KRT222: variants seen among roughly 807,000 people sequenced by gnomAD.
KRT222 encodes keratin-like protein KRT222.
KRT222 carries 23 observed loss-of-function variants against 35.0 expected under a neutral mutation model. The observed-to-expected ratio is 0.66, with a 90% CI of 0.47 to 0.93. KRT222 has a LOEUF of 0.93. KRT222 is among the 40% of genes least tolerant of loss of function. The pLI is 0.00. For synonymous variants in KRT222, 108 were observed against 118.8 expected (o/e 0.91, Z 0.59); for missense variants, 339 against 346.3 (o/e 0.98, Z 0.17).
intron 4 of KRT222, 58 bp downstream of exon 4, chr17:40,657,616 T>C: frequency 6.6e-7 from 1 of 1,513,630 alleles, no homozygotes. Flanking sequence ...CCTTATAAAG[T>C]AATCCCTGTA....
intron 1 of KRT222, among the ~76,000 whole-genome samples, chr17:40,662,989 A>C (rs184177242): frequency 4.9e-4 from 74 of 152,344 alleles, no homozygotes; most frequent in African/African-American, 1.7e-3. Context: ...AAGTTTATGA[A>C]TAAAGTTTAG....
intron 3 of KRT222, among the ~76,000 whole-genome samples, chr17:40,659,194 C>T (rs1333534482): frequency 2.7e-5 from 4 of 148,752 alleles, no homozygotes; most frequent in Admixed American, 2.0e-4. Context: ...CTCACTCTGT[C>T]GCCTGGGCTG....
Position 40,665,148 on chromosome 17 carries a change from A to AGTC in KRT222, c.-52_-50dup. ...CTAACTGAACCTTATCGATAGGATGAGTCGCTGCGGCAGTCTGCTCGGTCT... is the reference window on the plus strand; with the variant it reads ...CTAACTGAACCTTATCGATAGGATGAGTCGTCGCTGCGGCAGTCTGCTCGGTCT... On this transcript the variant is annotated 5_prime_UTR_variant, in exon 1 of 6. Coordinates refer to ENST00000394052, the MANE Select transcript of KRT222 (RefSeq NM_152349.3). 6.4e-7 allele frequency: 1 copy of AGTC among 1,564,328 alleles called. No homozygotes were observed. The highest frequency in any genetic ancestry group is 8.8e-7 in the Non-Finnish European group (1 of 1,137,098).
At chr17:40,660,879 G>C in intron 2 of KRT222, among the ~76,000 whole-genome samples, 1 of 151,704 alleles carries the variant, frequency 6.6e-6, no homozygotes, top group East Asian at 1.9e-4. Context: ...AGAAAATATA[G>C]TACATTGAGT....
intron 5 of KRT222, 133 bp from the exon 6 acceptor site, chr17:40,656,763 T>C: frequency 1.8e-6 from 1 of 547,236 alleles, no homozygotes; most frequent in Middle Eastern, 4.8e-4. Context: ...ATAATGTACA[T>C]ACTTTAAAAA....
intron 3 of KRT222, among the ~76,000 whole-genome samples, chr17:40,659,237 C>A (rs1354680176): frequency 6.6e-6 from 1 of 151,268 alleles, no homozygotes; most frequent in Non-Finnish European, 1.5e-5. Flanking sequence ...CTCACTGCAA[C>A]CTGCCTCTCC....
intron 1 of KRT222, among the ~76,000 whole-genome samples, chr17:40,662,579 A>C (rs903301028): frequency 1.3e-5 from 2 of 152,206 alleles, no homozygotes; most frequent in African/African-American, 4.8e-5. Flanking sequence ...TAAGGCTCAC[A>C]AATAGACTTC....
In KRT222 at chr17:40,656,354, C is replaced by T. The variant is rs1430156352; in HGVS notation, c.*48G>A. 2.1e-6 allele frequency: 3 copies of T among 1,414,714 alleles called. No individual in the cohort carries two copies. Among genetic ancestry groups the T allele is most frequent in the Admixed American group, 1.7e-5 (1 of 59,522 alleles). 87.6% of individuals were successfully genotyped at this position (1,414,714 alleles called of 1,614,324 possible). A position where few individuals can be genotyped will look rare whatever the true frequency, so the allele number is the denominator to read the frequency against. ...GACAGAGGGAGTTGGTATGGCCCACCTTGGTCCATCCTAACATTTTCCAAT... is the reference window on the plus strand; with the variant it reads ...GACAGAGGGAGTTGGTATGGCCCACTTTGGTCCATCCTAACATTTTCCAAT... On this transcript the variant is annotated 3_prime_UTR_variant, in exon 6 of 6. Coordinates refer to ENST00000394052, the MANE Select transcript of KRT222 (RefSeq NM_152349.3).
chr17:40,660,980 T>C (rs946221311), intron 2 of KRT222, among the ~76,000 whole-genome samples: 2 of 152,266 alleles, frequency 1.3e-5, no homozygotes, highest in African/African-American at 4.8e-5. Flanking sequence ...AGTCTCGCTC[T>C]GTCGCTCATG....
At chr17:40,662,118 C>G in intron 1 of KRT222, 74 bp from the exon 2 acceptor site, 1 of 1,557,988 alleles carries the variant, frequency 6.4e-7, no homozygotes. Context: ...TGTGTAAAAG[C>G]AATTATAGAA....
chr17:40,657,795 C>T lies in KRT222; in HGVS notation c.447-45G>A, dbSNP rs748400343. 11 of 1,288,078 alleles carry T rather than the reference C, an allele frequency of 8.5e-6. No homozygotes were observed. In the South Asian group the frequency reaches 1.4e-4, roughly 16 times the overall value. The allele number at this position is 1,288,078 out of a possible 1,614,324, so 79.8% of individuals were successfully genotyped here. A position where few individuals can be genotyped will look rare whatever the true frequency, so the allele number is the denominator to read the frequency against. On this transcript the variant is annotated intron_variant, in intron 3 of 5. Coordinates refer to ENST00000394052, the MANE Select transcript of KRT222 (RefSeq NM_152349.3). ...TATTTTAAGAGCAACACTGTATCAGCAAATAATTAAAACAAACAGGAGAAT... is the reference window on the plus strand; with the variant it reads ...TATTTTAAGAGCAACACTGTATCAGTAAATAATTAAAACAAACAGGAGAAT...
At chr17:40,663,239 TA>T (rs1451243025) in intron 1 of KRT222, among the ~76,000 whole-genome samples, 1 of 152,202 alleles carries the variant, frequency 6.6e-6, no homozygotes, top group Non-Finnish European at 1.5e-5. Context: ...AGATGGCCCC[TA>T]AAGAAGTCTA....
chr17:40,663,655 A>G (rs1274902585), intron 1 of KRT222, among the ~76,000 whole-genome samples: 3 of 152,234 alleles, frequency 2.0e-5, no homozygotes, highest in Admixed American at 2.0e-4. Context: ...TTATTTAGAA[A>G]TTTAAAAAAA....
At position 40,664,379 on chromosome 17, in the gene KRT222, G is replaced by T. The variant is rs1435290955; in HGVS notation, c.96+625C>A. On this transcript the variant is annotated intron_variant, in intron 1 of 5. Transcript: ENST00000394052. ...AATATTACAAGCTTTGTAATGGAAA[G>T]AAATGTTTCTCATCTTATAGTACAG... Among the ~76,000 whole-genome samples, 3 of 152,118 alleles carry T rather than the reference G, an allele frequency of 2.0e-5. No individual in the cohort carries two copies. The East Asian group carries it at 5.8e-4, about 29-fold the overall frequency.
intron 2 of KRT222, 152 bp downstream of exon 2, chr17:40,661,764 G>C: frequency 3.3e-6 from 3 of 920,184 alleles, no homozygotes; most frequent in South Asian, 3.6e-5. Context: ...ATGGAGGGAG[G>C]GGTGAGTAAT....
At chr17:40,657,530 AT>A in intron 4 of KRT222, 43 bp from the exon 5 acceptor site, 2 of 1,515,640 alleles carry the variant, frequency 1.3e-6, no homozygotes, top group Non-Finnish European at 1.8e-6. Flanking sequence ...ACAGTATTGA[AT>A]TACTGTTCAC....
intron 3 of KRT222, 145 bp from the exon 4 acceptor site, chr17:40,657,895 T>C: frequency 3.5e-6 from 2 of 579,214 alleles, no homozygotes; most frequent in South Asian, 2.6e-5. Flanking sequence ...ACCGTATCTT[T>C]ATGGATTGAT....
At chr17:40,661,852 C>A in intron 2 of KRT222, 64 bp downstream of exon 2, 1 of 1,549,634 alleles carries the variant, frequency 6.5e-7, no homozygotes, top group Non-Finnish European at 8.7e-7. Context: ...TTCATCTTTT[C>A]CTTCTCTTAA....
Position 40,655,855 on chromosome 17 carries a change from A to G in KRT222, c.*547T>C, listed in dbSNP as rs991385540. ...ACTCATTTTTCTCAGTATACAAATG[A>G]TTTATCTCAAAAAGAAGAATCCTCA... On this transcript the variant is annotated 3_prime_UTR_variant, in exon 6 of 6. Transcript: ENST00000394052. The G allele has an allele frequency of 1.3e-5, 2 of 152,226 alleles. No homozygotes were observed. Among genetic ancestry groups the G allele is most frequent in the Non-Finnish European group, 2.9e-5 (2 of 68,046 alleles). 9.4% of individuals were successfully genotyped at this position (152,226 alleles called of 1,614,324 possible). A position where few individuals can be genotyped will look rare whatever the true frequency, so the allele number is the denominator to read the frequency against.
Sources: gnomAD v4.1 joint callset for allele counts (sites outside exome capture counted in the v4.1 genomes callset) on GRCh38, gnomAD v4.1.1 for gene constraint, MANE v1.5 for transcripts, NCBI Gene and HGNC (gene_info 2026-07-23, HGNC 2026-07-21) for gene names.